Variants in MICALL2 observed in about 807,000 individuals in gnomAD.
MICALL2 encodes the protein MICAL like 2.
In MICALL2, 111 loss-of-function variants were observed where a neutral mutation model predicts 91.1. That is an observed-to-expected ratio of 1.22 (90% CI 1.04 to 1.43). The LOEUF is 1.43. MICALL2 is among the 40% of genes most tolerant of loss of function. The pLI is 0.00. For missense variants in MICALL2, 1,556 were observed against 1,236.0 expected, an observed-to-expected ratio of 1.26 and a Z score of -3.88; for synonymous variants, 694 against 525.3, an observed-to-expected ratio of 1.32 and a Z score of -4.39.
intron 14 of MICALL2, chr7:1,437,064 T>A (rs1257266715): frequency 4.0e-6 from 2 of 494,868 alleles, no homozygotes; most frequent in South Asian, 6.3e-5. Flanking sequence ...TCCTTCCCCA[T>A]CATCTCGCAG....
intron 14 of MICALL2, chr7:1,437,057 T>G (rs1346275087): frequency 8.0e-6 from 4 of 498,352 alleles, no homozygotes; most frequent in African/African-American, 2.0e-5. Flanking sequence ...GCTGGGATCC[T>G]TCCCCATCAT....
At chr7:1,442,116 A>T in intron 7 of MICALL2, 76 bp downstream of exon 7, 2 of 1,505,478 alleles carry the variant, frequency 1.3e-6, no homozygotes, top group East Asian at 2.3e-5. Flanking sequence ...AACCGCACAC[A>T]CTGCAGAGTG....
intron 14 of MICALL2, 124 bp from the exon 15 acceptor site, chr7:1,436,980 G>A (rs1779999430): frequency 3.1e-6 from 2 of 641,584 alleles, no homozygotes; most frequent in East Asian, 3.2e-5. Context: ...GTCTTGGGGG[G>A]ATCCGGAGCA....
Position 1,438,144 on chromosome 7 carries a change from T to A in MICALL2, c.2264A>T (p.Glu755Val), listed in dbSNP as rs982632743. 5.1e-6 allele frequency: 8 copies of A among 1,560,828 alleles called. No homozygotes were observed. The highest frequency in any genetic ancestry group is 6.9e-6 in the Non-Finnish European group (8 of 1,153,114). Reference protein sequence around the residue: ...QDIERRLDALELRGVELEKRL... With the variant: ...QDIERRLDALVLRGVELEKRL... The stretch of plus-strand genomic sequence containing the variant: ...CTTCTCCAGCTCCACGCCGCGGAGC[T>A]CCAGGGCGTCCAGCCGCCTCTCGAT... The change falls in exon 12 of 17, where the codon GAG (glutamate) becomes GTG (valine). Residue 755 changes from glutamate to valine, a missense_variant. Physicochemically the swap from Glu to Val is moderately radical, Grantham distance 121 (BLOSUM62 -2). Coordinates refer to ENST00000297508, the MANE Select transcript of MICALL2 (RefSeq NM_182924.4).
intron 1 of MICALL2, among the ~76,000 whole-genome samples, chr7:1,453,245 C>T (rs981868095): frequency 6.6e-6 from 1 of 152,142 alleles, no homozygotes; most frequent in South Asian, 2.1e-4. Flanking sequence ...TTCATTTTGC[C>T]TCCTTTGGAG....
chr7:1,440,727 G>A (rs1373900788), intron 7 of MICALL2, 43 bp from the exon 8 acceptor site: 4 of 1,532,320 alleles, frequency 2.6e-6, no homozygotes, highest in African/African-American at 2.7e-5. Context: ...AAGGAGTGCT[G>A]GGAATGGGGT....
rs1780495861 is a variant in MICALL2 at position 1,444,927 on chromosome 7, G to A, written c.1143C>T (p.Ala381=). The change falls in exon 6 of 17, where the codon GCC becomes GCT. Residue 381 remains alanine (A), a synonymous_variant. Transcript: ENST00000297508. ...PRPATPQGGG[A]PRVAAPQTTL... is the part of the protein sequence containing the mutation. ...TGGTTTGAGGAGCTGCCACTCGGGG[G>A]GCTCCCCCACCCTGGGGTGTGGCCG... 1 of 1,532,178 alleles carries A rather than the reference G, an allele frequency of 6.5e-7. No individual in the cohort carries two copies. Among genetic ancestry groups the A allele is most frequent in the Admixed American group, 2.0e-5 (1 of 51,136 alleles). The allele number at this position is 1,532,178 out of a possible 1,614,324, so 94.9% of individuals were successfully genotyped here.
At chr7:1,444,619 A>C (rs757720736) in intron 6 of MICALL2, 33 bp downstream of exon 6, 3 of 1,589,456 alleles carry the variant, frequency 1.9e-6, no homozygotes, top group East Asian at 2.3e-5. Context: ...CAAAGAGGCC[A>C]TACCCGGGGT....
intron 6 of MICALL2, 68 bp from the exon 7 acceptor site, chr7:1,442,552 G>C: frequency 7.0e-7 from 1 of 1,429,308 alleles, no homozygotes; most frequent in East Asian, 2.3e-5. Context: ...ACCCGAGGCC[G>C]CCCCTCTGCC....
In MICALL2 at chr7:1,444,944, G is replaced by C; in HGVS notation, c.1126C>G (p.Pro376Ala). 6.6e-7 allele frequency: 1 copy of C among 1,515,446 alleles called. No homozygotes were observed. Among genetic ancestry groups the C allele is most frequent in the Non-Finnish European group, 8.8e-7 (1 of 1,133,396 alleles). 93.9% of individuals were successfully genotyped at this position (1,515,446 alleles called of 1,614,324 possible). ...ACTCGGGGGGCTCCCCCACCCTGGG[G>C]TGTGGCCGGGCGAGGGTCTGGGGCA... ...PSAPDPRPAT[P>A]QGGGAPRVAA... is the part of the protein sequence containing the mutation. The change falls in exon 6 of 17, where the codon CCC (proline) becomes GCC (alanine). Residue 376 changes from proline to alanine, a missense_variant. By Grantham distance (27) the Pro-to-Ala change is conservative. Transcript: ENST00000297508.
In MICALL2 at chr7:1,450,260, T is replaced by C; in HGVS notation, c.172A>G (p.Ile58Val). The change falls in exon 2 of 17, where the codon ATT becomes GTT. Residue 58 changes from isoleucine to valine, a missense_variant. Coordinates refer to ENST00000297508, the MANE Select transcript of MICALL2 (RefSeq NM_182924.4). ...CTCACCAGTTTATTGTTTTCATAAATATTTTCCTTCTTGAGAGCACTGAAG... is the reference window on the plus strand; with the variant it reads ...CTCACCAGTTTATTGTTTTCATAAACATTTTCCTTCTTGAGAGCACTGAAG... ...INFSALKKEN[I>V]YENNKLAFRV... 1.2e-6 allele frequency: 2 copies of C among 1,612,990 alleles called. No homozygotes were observed. Among genetic ancestry groups the C allele is most frequent in the Non-Finnish European group, 1.7e-6 (2 of 1,179,908 alleles).
intron 6 of MICALL2, among the ~76,000 whole-genome samples, 194 bp from the exon 7 acceptor site, chr7:1,442,678 G>T (rs1278058602): frequency 1.6e-5 from 2 of 128,568 alleles, no homozygotes; most frequent in African/African-American, 5.5e-5. Context: ...CCCCACCATT[G>T]CACCAGGCTG....
chr7:1,435,382 C>A (rs1330868563), intron 15 of MICALL2, among the ~76,000 whole-genome samples: 2 of 147,860 alleles, frequency 1.4e-5, no homozygotes, highest in Admixed American at 6.7e-5. Flanking sequence ...GGGCCCTGGG[C>A]CGACCACACA....
intron 4 of MICALL2, 51 bp from the exon 5 acceptor site, chr7:1,446,879 T>G: frequency 7.6e-7 from 1 of 1,311,394 alleles, no homozygotes; most frequent in Non-Finnish European, 1.0e-6. Context: ...CAGCCCTCCC[T>G]CCTGGTGGCA....
In MICALL2 at chr7:1,435,069, A is replaced by AGCCC. The variant is rs772601468; in HGVS notation, c.2638+28_2638+31dup. 83 of 1,515,780 alleles carry AGCCC rather than the reference A, an allele frequency of 5.5e-5. No homozygotes were observed. The African/African-American group carries it at 1.1e-3, about 20-fold the overall frequency. The allele number at this position is 1,515,780 out of a possible 1,614,324, so 93.9% of individuals were successfully genotyped here. A position where few individuals can be genotyped will look rare whatever the true frequency, so the allele number is the denominator to read the frequency against. ...GCATCCCCGGCCCACCCAGCCAGCC[A>AGCCC]GCCCAGCCCTCAGCATCCCCGGCCC... On this transcript the variant is annotated intron_variant, in intron 16 of 16. Coordinates refer to ENST00000297508, the MANE Select transcript of MICALL2 (RefSeq NM_182924.4).
intron 1 of MICALL2, among the ~76,000 whole-genome samples, chr7:1,454,970 G>A (rs1196318959): frequency 6.6e-6 from 1 of 152,174 alleles, no homozygotes; most frequent in African/African-American, 2.4e-5. Flanking sequence ...ACCCTGCCTT[G>A]GAACTGAGGG....
rs111246477 is a variant in MICALL2, at chr7:1,459,237, G to A, written c.90C>T (p.Phe30=). The A allele has an allele frequency of 7.4e-4, 1,198 of 1,611,258 alleles. 2 individuals carry two copies. The African/African-American group carries it at 0.012, about 17-fold the overall frequency. The change falls in exon 1 of 17, where the codon TTC becomes TTT. Residue 30 remains phenylalanine (F), a synonymous_variant. Coordinates refer to ENST00000297508, the MANE Select transcript of MICALL2 (RefSeq NM_182924.4). ...TGGCGCAGAAAGCCAGGCCGTCGCG[G>A]AACGACGTGGTCATGTTGCAGATAT... ...DVNICNMTTS[F]RDGLAFCAIL... is the part of the protein sequence containing the mutation.
intron 5 of MICALL2, among the ~76,000 whole-genome samples, chr7:1,445,878 T>TCCTAGGAGC (rs1780551796): frequency 6.6e-6 from 1 of 151,790 alleles, no homozygotes; most frequent in Non-Finnish European, 1.5e-5. Context: ...AGCGCTTGTT[T>TCCTAGGAGC]CCTAGGAGCC....
Position 1,442,423 on chromosome 7 carries a change from T to C in MICALL2, c.1480A>G (p.Ser494Gly). ...SQPKTEAPQA[S>G]PLAKPLQSSS... is the part of the protein sequence containing the mutation. ...GACTGTAACGGCTTGGCTAAGGGACTTGCTTGTGGTGCTTCAGTTTTGGGC... is the reference window on the plus strand; with the variant it reads ...GACTGTAACGGCTTGGCTAAGGGACCTGCTTGTGGTGCTTCAGTTTTGGGC... The change falls in exon 7 of 17, where the codon AGT becomes GGT. Residue 494 changes from serine (S) to glycine (G), a missense_variant. Coordinates refer to ENST00000297508, the MANE Select transcript of MICALL2 (RefSeq NM_182924.4). 1 of 1,570,586 alleles carries C rather than the reference T, an allele frequency of 6.4e-7. No homozygotes were observed. Among genetic ancestry groups the C allele is most frequent in the South Asian group, 1.2e-5 (1 of 84,474 alleles).
Sources: allele counts gnomAD v4.1 joint callset (sites outside exome capture counted in the v4.1 genomes callset), GRCh38; gene constraint gnomAD v4.1.1; transcripts MANE v1.5; gene names NCBI Gene and HGNC (gene_info 2026-07-23, HGNC 2026-07-21).